LLGL2: variants seen among roughly 807,000 people sequenced by gnomAD.
LLGL2 encodes LLGL scribble cell polarity complex component 2, also known as LLGL2, scribble cell polarity complex component.
LLGL2 carries 81 observed loss-of-function variants against 123.2 expected under a neutral mutation model. That is an observed-to-expected ratio of 0.66 (90% confidence interval 0.55 to 0.79). The LOEUF (loss-of-function observed/expected upper bound fraction) is 0.79, where lower values mean the gene tolerates loss of function less well. LLGL2 is among the 30% of genes least tolerant of loss of function. LLGL2 has a pLI of 0.00. For missense variants in LLGL2, 1,273 were observed against 1,414.6 expected (o/e 0.90, Z 1.61); for synonymous variants, 577 against 594.1 (o/e 0.97, Z 0.42).
intron 1 of LLGL2, among the ~76,000 whole-genome samples, chr17:75,539,120 G>A (rs967906519): frequency 6.6e-6 from 1 of 151,868 alleles, no homozygotes; most frequent in African/African-American, 2.4e-5. Context: ...GTACAGTGGT[G>A]GGTTCATAGC....
intron 17 of LLGL2, 180 bp downstream of exon 17, chr17:75,571,280 A>G: frequency 1.6e-6 from 1 of 620,224 alleles, no homozygotes; most frequent in Non-Finnish European, 2.8e-6. Context: ...TCAGCCTCTG[A>G]GTCAGCTTCC....
At position 75,559,271 on chromosome 17, in the gene LLGL2, C is replaced by A. The variant is rs2055087075; in HGVS notation, c.391C>A (p.Gln131Lys). ...TCACAGGGCTGCCCCCAGTGCCACA[C>A]AGATCACCGTGGTCCTGCCACATTC... ...GPPGAAPSAT[Q>K]ITVVLPHSSC... is the part of the protein sequence containing the mutation. Residue 131 changes from glutamine to lysine, a missense_variant, in exon 6 of 26, where the codon CAG (glutamine) becomes AAG (lysine). Coordinates refer to ENST00000392550, the MANE Select transcript of LLGL2 (RefSeq NM_001031803.2). The surrounding 1 kb of genome is among the most constrained non-coding windows in gnomAD (Gnocchi z 4.6). 6.2e-7 allele frequency: 1 copy of A among 1,609,768 alleles called. No homozygotes were observed. Among genetic ancestry groups the A allele is most frequent in the Non-Finnish European group, 8.5e-7 (1 of 1,178,298 alleles).
chr17:75,568,194 C>T, intron 10 of LLGL2: 1 of 1,348,264 alleles, frequency 7.4e-7, no homozygotes, highest in South Asian at 1.8e-5. Flanking sequence ...GGCACAGCTG[C>T]ATGCCTCTGG....
intron 7 of LLGL2, 69 bp from the exon 8 acceptor site, chr17:75,563,262 G>A: frequency 6.2e-7 from 1 of 1,603,224 alleles, no homozygotes; most frequent in Non-Finnish European, 8.5e-7. Flanking sequence ...AGAGGCATGG[G>A]GTGCAGGCGA....
chr17:75,561,772 A>AT (rs2055229328), intron 6 of LLGL2, among the ~76,000 whole-genome samples: 1 of 152,086 alleles, frequency 6.6e-6, no homozygotes, highest in African/African-American at 2.4e-5. Context: ...AGTATAAAAA[A>AT]TTAGCCTGGC....
chr17:75,556,164 C>A, intron 3 of LLGL2, 21 bp downstream of exon 3: 1 of 1,588,052 alleles, frequency 6.3e-7, no homozygotes, highest in South Asian at 1.1e-5. Flanking sequence ...TCCCCTCGCT[C>A]CCACTCGGGC....
chr17:75,547,905 G>C (rs1265997003), intron 2 of LLGL2, among the ~76,000 whole-genome samples: 1 of 152,056 alleles, frequency 6.6e-6, no homozygotes, highest in Non-Finnish European at 1.5e-5. Context: ...GTGAATGAAG[G>C]TTGTCTTGTT....
At chr17:75,551,520 G>A (rs1432056783) in intron 2 of LLGL2, among the ~76,000 whole-genome samples, 5 of 152,170 alleles carry the variant, frequency 3.3e-5, no homozygotes. Context: ...TAACTCCAAG[G>A]CTTGAAGGGA....
In LLGL2 at chr17:75,559,117, T is replaced by C; in HGVS notation, c.372-135T>C. ...CTGTCTTGGCAGAAAGTGACCAATG[T>C]TTGTCCTGGCTTGAAATGTTATGAC... On this transcript the variant is annotated intron_variant, in intron 5 of 25. Transcript: ENST00000392550. This position sits in a 1 kb window ranked among gnomAD's most constrained non-coding sequence, Gnocchi z 4.6. 1.0e-6 allele frequency: 1 copy of C among 970,860 alleles called. No individual in the cohort carries two copies. Among genetic ancestry groups the C allele is most frequent in the Non-Finnish European group, 1.5e-6 (1 of 679,868 alleles). The allele number at this position is 970,860 out of a possible 1,614,324, so 60.1% of individuals were successfully genotyped here.
intron 1 of LLGL2, among the ~76,000 whole-genome samples, chr17:75,530,800 G>C (rs138298902): frequency 0.031 from 4,715 of 152,274 alleles, 83 homozygotes; most frequent in Middle Eastern, 0.11. Context: ...GACAGAGTGA[G>C]ACTCTAACTC....
chr17:75,532,358 C>T (rs1197571237), intron 1 of LLGL2: 1 of 152,240 alleles, frequency 6.6e-6, no homozygotes, highest in African/African-American at 2.4e-5. Context: ...TCACACCATT[C>T]TCCTGACTCA....
intron 25 of LLGL2, 59 bp from the exon 26 acceptor site, chr17:75,574,812 C>T (rs938388150): frequency 2.4e-5 from 38 of 1,605,346 alleles, no homozygotes; most frequent in South Asian, 4.4e-5. Context: ...TCAGCGTGGG[C>T]GGCTGGGGCA....
At chr17:75,572,988 C>T (rs780380010) in intron 19 of LLGL2, 26 bp from the exon 20 acceptor site, 15 of 1,581,842 alleles carry the variant, frequency 9.5e-6, no homozygotes, top group Non-Finnish European at 1.3e-5. Context: ...TGGCCATGGG[C>T]ATGAACAACC....
At position 75,574,197 on chromosome 17, in the gene LLGL2, G is replaced by A. The variant is rs1253683908; in HGVS notation, c.2906-16G>A. On this transcript the variant is annotated splice_polypyrimidine_tract_variant and intron_variant, in intron 22 of 25. Coordinates refer to ENST00000392550, the MANE Select transcript of LLGL2 (RefSeq NM_001031803.2). The stretch of plus-strand genomic sequence containing the variant: ...GGGCCCAGGCGGGGCGCCCTGACCC[G>A]GCCTCTACCTTCCAGAGAAGCAGCC... The A allele has an allele frequency of 1.4e-5, 22 of 1,529,130 alleles. No individual in the cohort carries two copies. The highest frequency in any genetic ancestry group is 1.7e-4 in the Middle Eastern group (1 of 5,866). The allele number at this position is 1,529,130 out of a possible 1,614,324, so 94.7% of individuals were successfully genotyped here.
chr17:75,558,275 C>G lies in LLGL2; in HGVS notation c.255+39C>G. ...GGTGGGACAGGAAGCCACTTCCATGCCCTCCTTGCCTTCACTGCTTCCAGC... is the reference window on the plus strand; with the variant it reads ...GGTGGGACAGGAAGCCACTTCCATGGCCTCCTTGCCTTCACTGCTTCCAGC... On this transcript the variant is annotated intron_variant, in intron 4 of 25. Coordinates refer to ENST00000392550, the MANE Select transcript of LLGL2 (RefSeq NM_001031803.2). The surrounding 1 kb of genome is among the most constrained non-coding windows in gnomAD (Gnocchi z 4.0). The G allele has an allele frequency of 6.4e-7, 1 of 1,561,362 alleles. No individual in the cohort carries two copies. Among genetic ancestry groups the G allele is most frequent in the Non-Finnish European group, 8.8e-7 (1 of 1,138,108 alleles).
At position 75,558,882 on chromosome 17, in the gene LLGL2, CCCCA is replaced by C. The variant is rs2147382754; in HGVS notation, c.371+258_371+261del. ...CCGCACCCCGCCTCCTCCATCCGCA[CCCCA>C]CCTCCTCCATCCACACCACGCCTCC... On this transcript the variant is annotated intron_variant, in intron 5 of 25. Coordinates refer to ENST00000392550, the MANE Select transcript of LLGL2 (RefSeq NM_001031803.2). The surrounding 1 kb of genome is among the most constrained non-coding windows in gnomAD (Gnocchi z 4.0). The C allele has an allele frequency of 3.8e-5, 2 of 53,000 alleles. 1 individual carries two copies. Among genetic ancestry groups the C allele is most frequent in the Non-Finnish European group, 9.2e-5 (2 of 21,852 alleles). 3.3% of individuals were successfully genotyped at this position (53,000 alleles called of 1,614,324 possible). A position where few individuals can be genotyped will look rare whatever the true frequency, so the allele number is the denominator to read the frequency against.
Position 75,571,657 on chromosome 17 carries a change from T to C in LLGL2, c.2177-10T>C. On this transcript the variant is annotated splice_polypyrimidine_tract_variant and intron_variant, in intron 17 of 25. Coordinates refer to ENST00000392550, the MANE Select transcript of LLGL2 (RefSeq NM_001031803.2). The stretch of plus-strand genomic sequence containing the variant: ...TAAGGGTCAGACACCCAAACATGGC[T>C]TCTCGGCAGGCTCCCGGCACTGCCC... 1.9e-6 allele frequency: 3 copies of C among 1,602,062 alleles called. No individual in the cohort carries two copies. Among genetic ancestry groups the C allele is most frequent in the Non-Finnish European group, 2.6e-6 (3 of 1,175,406 alleles).
chr17:75,574,074 G>A (rs928063464), intron 22 of LLGL2, 94 bp downstream of exon 22: 4 of 1,549,380 alleles, frequency 2.6e-6, no homozygotes, highest in Non-Finnish European at 3.5e-6. Context: ...TGAGCAGGTA[G>A]TGTTTGGGCT....
At position 75,544,432 on chromosome 17, in the gene LLGL2, T is replaced by G. The variant is rs558763545; in HGVS notation, c.75+931T>G. Among the ~76,000 whole-genome samples, 70 of 152,354 alleles carry G rather than the reference T, an allele frequency of 4.6e-4. No individual in the cohort carries two copies. Among genetic ancestry groups the G allele is most frequent in the African/African-American group, 1.5e-3 (61 of 41,582 alleles). On this transcript the variant is annotated intron_variant, in intron 2 of 25. Transcript: ENST00000392550. This position sits in a 1 kb window ranked among gnomAD's most constrained non-coding sequence, Gnocchi z 4.2. ...CCAGACAGTCTGGAAAAGGGATGTC[T>G]CCCTGTGGAGAATGAGGAAGTCTCT...
Sources: allele counts gnomAD v4.1 joint callset (sites outside exome capture counted in the v4.1 genomes callset), GRCh38; gene constraint gnomAD v4.1.1; non-coding constraint Gnocchi (gnomAD v3.1); transcripts MANE v1.5; gene names NCBI Gene and HGNC (gene_info 2026-07-23, HGNC 2026-07-21).